PACSIN1: variants seen among roughly 807,000 people sequenced by gnomAD.
PACSIN1 encodes protein kinase C and casein kinase substrate in neurons 1, also known as protein kinase C and casein kinase substrate in neurons protein 1.
Under a neutral mutation model 59.5 loss-of-function variants are expected in PACSIN1, and 15 were observed. That is an observed-to-expected ratio of 0.25 (90% CI 0.17 to 0.39). PACSIN1 has a LOEUF of 0.39. Among genes scored for constraint, PACSIN1 ranks in the 10% least tolerant of loss-of-function variants. The pLI is 1.00. For missense variants in PACSIN1, 420 were observed against 580.2 expected (o/e 0.72, Z 2.84); for synonymous variants, 210 against 220.6 (o/e 0.95, Z 0.42).
rs41312309 is a variant in PACSIN1 at position 34,530,551 on chromosome 6, C to T, written c.1001C>T (p.Ala334Val). ...GTGGCGCTGACCAATGCCACTGGGG[C>T]GGTAGAGTCCACATCCCAGGCTGGG... ...EGVALTNATGAVESTSQAGDR... is the reference protein window; with the variant it reads ...EGVALTNATGVVESTSQAGDR... Residue 334 changes from alanine to valine, a missense_variant, in exon 8 of 10, where the codon GCG becomes GTG. Physicochemically the swap from Ala to Val is moderately conservative, Grantham distance 64. Coordinates refer to ENST00000244458, the MANE Select transcript of PACSIN1 (RefSeq NM_020804.5). The surrounding 1 kb of genome is among the most constrained non-coding windows in gnomAD (Gnocchi z 4.4). The T allele has an allele frequency of 0.079, 126,413 of 1,602,406 alleles. 5,699 individuals carry two copies. The highest frequency in any genetic ancestry group is 0.089 in the Non-Finnish European group (104,571 of 1,174,370).
chr6:34,474,866 C>T (rs187061184), intron 1 of PACSIN1, among the ~76,000 whole-genome samples: 1 of 151,342 alleles, frequency 6.6e-6, no homozygotes, highest in East Asian at 1.9e-4. Flanking sequence ...TACCTCAGAC[C>T]TTCTCTCATA....
intron 1 of PACSIN1, among the ~76,000 whole-genome samples, chr6:34,505,511 TTC>T (rs1343352438): frequency 6.6e-6 from 1 of 151,130 alleles, no homozygotes; most frequent in Non-Finnish European, 1.5e-5. Flanking sequence ...GTTCCTGAGG[TTC>T]TGTCCTTTTC....
At chr6:34,485,379 G>C (rs1289796566) in intron 1 of PACSIN1, among the ~76,000 whole-genome samples, 3 of 152,094 alleles carry the variant, frequency 2.0e-5, no homozygotes, top group Non-Finnish European at 4.4e-5. Context: ...GTAGCCCTCC[G>C]AGTGGGACAG....
chr6:34,466,581 G>A (rs545028007), intron 1 of PACSIN1, among the ~76,000 whole-genome samples: 1 of 152,330 alleles, frequency 6.6e-6, no homozygotes, highest in East Asian at 1.9e-4. Flanking sequence ...TGGGGCCTGG[G>A]CCCGGGCGGT....
At chr6:34,483,173 G>T (rs961797097) in intron 1 of PACSIN1, among the ~76,000 whole-genome samples, 3 of 151,112 alleles carry the variant, frequency 2.0e-5, no homozygotes, top group Non-Finnish European at 4.4e-5. Flanking sequence ...CCTGGCTAAT[G>T]TTTTGTATTT....
intron 1 of PACSIN1, among the ~76,000 whole-genome samples, chr6:34,497,104 G>A (rs10947506): frequency 0.55 from 83,132 of 151,396 alleles, 23,239 homozygotes; most frequent in Middle Eastern, 0.68. Flanking sequence ...GCCCACCACC[G>A]CACCTGGCTG....
In PACSIN1 at chr6:34,527,236, G is replaced by A. The variant is rs1767504779; in HGVS notation, c.64-96G>A. On this transcript the variant is annotated intron_variant, in intron 2 of 9. Coordinates refer to ENST00000244458, the MANE Select transcript of PACSIN1 (RefSeq NM_020804.5). ...CGGCGAGGCCGTAAGCGGGGAGGCGGGGCGGAAGACAGTGGGCGTGGCCGT... is the reference window on the plus strand; with the variant it reads ...CGGCGAGGCCGTAAGCGGGGAGGCGAGGCGGAAGACAGTGGGCGTGGCCGT... The A allele has an allele frequency of 2.4e-6, 3 of 1,233,312 alleles. No individual in the cohort carries two copies. The East Asian group carries it at 9.3e-5, about 38-fold the overall frequency. 76.4% of individuals were successfully genotyped at this position (1,233,312 alleles called of 1,614,324 possible). A position where few individuals can be genotyped will look rare whatever the true frequency, so the allele number is the denominator to read the frequency against.
At chr6:34,473,153 A>G (rs890663900) in intron 1 of PACSIN1, among the ~76,000 whole-genome samples, 11 of 144,768 alleles carry the variant, frequency 7.6e-5, no homozygotes, top group African/African-American at 2.6e-4. Context: ...GTGTTCTGGA[A>G]GACTGAAGGA....
At chr6:34,467,018 C>T (rs1236511382) in intron 1 of PACSIN1, among the ~76,000 whole-genome samples, 3 of 152,180 alleles carry the variant, frequency 2.0e-5, no homozygotes, top group African/African-American at 4.8e-5. Context: ...GCTGCCCCTA[C>T]CCACAACAGC....
rs1581963242 is a variant in PACSIN1, at chr6:34,488,125, G to A, written c.-64+21855G>A. ...GCCAGCACCTCTGTTGGTCTGGGTG[G>A]CTTCCCTTTTGAGGGGACCTGGCCC... On this transcript the variant is annotated intron_variant, in intron 1 of 9. Coordinates refer to ENST00000244458, the MANE Select transcript of PACSIN1 (RefSeq NM_020804.5). The surrounding 1 kb of genome is among the most constrained non-coding windows in gnomAD (Gnocchi z 4.7). Among the ~76,000 whole-genome samples the A allele has an allele frequency of 6.6e-6, 1 of 152,080 alleles. No homozygotes were observed. Among genetic ancestry groups the A allele is most frequent in the East Asian group, 1.9e-4 (1 of 5,194 alleles).
intron 1 of PACSIN1, among the ~76,000 whole-genome samples, chr6:34,497,466 G>A (rs1221572394): frequency 1.3e-5 from 2 of 152,120 alleles, no homozygotes; most frequent in East Asian, 1.9e-4. Context: ...TAGGCTTTCC[G>A]CAGAAGTCAG....
At position 34,530,309 on chromosome 6, in the gene PACSIN1, A is replaced by G. The variant is rs1767568702; in HGVS notation, c.855A>G (p.Arg285=). 1.2e-6 allele frequency: 2 copies of G among 1,614,110 alleles called. No individual in the cohort carries two copies. Among genetic ancestry groups the G allele is most frequent in the African/African-American group, 1.3e-5 (1 of 75,022 alleles). ...GGGCTGATGCCCAGGAAGACCTCAG[A>G]TGGTTCCGCAGCACCAGTGGCCCCG... The part of the protein sequence containing the change: ...IRGADAQEDL[R]WFRSTSGPGM... Residue 285 remains arginine (R), a synonymous_variant, in exon 7 of 10, where the codon AGA becomes AGG. Coordinates refer to ENST00000244458, the MANE Select transcript of PACSIN1 (RefSeq NM_020804.5). The surrounding 1 kb of genome is among the most constrained non-coding windows in gnomAD (Gnocchi z 4.4).
rs1020161270 is a variant in PACSIN1 at position 34,526,244 on chromosome 6, G to A, written c.-62G>A. On this transcript the variant is annotated splice_region_variant and 5_prime_UTR_variant, in exon 2 of 10. Transcript: ENST00000244458. The stretch of plus-strand genomic sequence containing the variant: ...GGGATCTCTCTCCTGCCCTCCCAGT[G>A]CATGAGCAGCCGAGCCTGCTAACCG... 10 of 1,399,514 alleles carry A rather than the reference G, an allele frequency of 7.1e-6. No individual in the cohort carries two copies. In the Admixed American group the frequency reaches 1.5e-4, roughly 21 times the overall value. 86.7% of individuals were successfully genotyped at this position (1,399,514 alleles called of 1,614,324 possible). A position where few individuals can be genotyped will look rare whatever the true frequency, so the allele number is the denominator to read the frequency against.
At chr6:34,492,673 C>T (rs561382768) in intron 1 of PACSIN1, among the ~76,000 whole-genome samples, 1 of 152,362 alleles carries the variant, frequency 6.6e-6, no homozygotes, top group East Asian at 1.9e-4. Context: ...TGAGCCACTA[C>T]GCCCGGCCTG....
rs1033292156 is a variant in PACSIN1 at position 34,467,751 on chromosome 6, T to G, written c.-64+1481T>G. ...TTTTATATTTTTAGTAGAGACGGGGTTTCTCCATGTTGGTCAGGCTGGTCT... is the reference window on the plus strand; with the variant it reads ...TTTTATATTTTTAGTAGAGACGGGGGTTCTCCATGTTGGTCAGGCTGGTCT... On this transcript the variant is annotated intron_variant, in intron 1 of 9. Transcript: ENST00000244458. 9.1e-4 allele frequency among the ~76,000 whole-genome samples: 138 copies of G among 152,138 alleles called. 1 individual carries two copies. Among genetic ancestry groups the G allele is most frequent in the Non-Finnish European group, 1.9e-4 (13 of 67,986 alleles).
intron 1 of PACSIN1, among the ~76,000 whole-genome samples, chr6:34,475,396 G>A (rs1766625169): frequency 6.6e-6 from 1 of 152,256 alleles, no homozygotes; most frequent in Non-Finnish European, 1.5e-5. Context: ...TCTAGAAGCA[G>A]AGCTGAGACA....
chr6:34,479,912 G>A (rs750018700), intron 1 of PACSIN1, among the ~76,000 whole-genome samples: 14 of 151,214 alleles, frequency 9.3e-5, no homozygotes, highest in African/African-American at 2.9e-4. Context: ...TGCAACCTCC[G>A]CCTCCTGGGC....
chr6:34,512,071 A>G (rs967645993), intron 1 of PACSIN1, among the ~76,000 whole-genome samples: 4 of 150,436 alleles, frequency 2.7e-5, no homozygotes, highest in Non-Finnish European at 5.9e-5. Flanking sequence ...GTGTGTGTGT[A>G]TGTGTGTGCC....
rs564344597 is a variant in PACSIN1, at chr6:34,533,891, G to A, written c.*1361G>A. ...GAAAGCAGTGGTGCCGGAGTGCTAG[G>A]TACCGCACGAGAGGGTGCGGGGGCT... On this transcript the variant is annotated 3_prime_UTR_variant, in exon 10 of 10. Transcript: ENST00000244458. 9 of 152,388 alleles carry A rather than the reference G, an allele frequency of 5.9e-5. No homozygotes were observed. The highest frequency in any genetic ancestry group is 2.2e-4 in the African/African-American group (9 of 41,552). 9.4% of individuals were successfully genotyped at this position (152,388 alleles called of 1,614,324 possible).
Sources: allele counts gnomAD v4.1 joint callset (sites outside exome capture counted in the v4.1 genomes callset), GRCh38; gene constraint gnomAD v4.1.1; non-coding constraint Gnocchi (gnomAD v3.1); transcripts MANE v1.5; gene names NCBI Gene and HGNC (gene_info 2026-07-23, HGNC 2026-07-21).